Variants in SAMD5 observed in about 807,000 individuals in gnomAD.
The protein encoded by SAMD5 is sterile alpha motif domain containing 5.
SAMD5 carries 13 observed loss-of-function variants against 11.3 expected under a neutral mutation model. The observed-to-expected ratio is 1.15, with a 90% CI of 0.75 to 1.83. SAMD5 has a LOEUF of 1.83. Ranked by LOEUF, SAMD5 falls within the 40% of genes most tolerant of loss-of-function variation. The probability of loss-of-function intolerance (pLI) is 0.00; values close to 1 mark genes in which losing one functional copy is unlikely to be tolerated. For missense variants in SAMD5, 255 were observed against 239.1 expected, an observed-to-expected ratio of 1.07 and a Z score of -0.44; for synonymous variants, 129 against 111.3, an observed-to-expected ratio of 1.16 and a Z score of -1.00.
intron 1 of SAMD5, among the ~76,000 whole-genome samples, chr6:147,620,645 G>A (rs1789945209): frequency 1.3e-5 from 2 of 152,198 alleles, no homozygotes; most frequent in South Asian, 4.1e-4. Context: ...GAAGGATACT[G>A]TGTTCCCCAA....
chr6:147,650,604 G>A (rs1790469860), intron 1 of SAMD5, among the ~76,000 whole-genome samples: 1 of 152,172 alleles, frequency 6.6e-6, no homozygotes, highest in Non-Finnish European at 1.5e-5. Context: ...TCTGGATGAA[G>A]GTGTTACTCG....
chr6:147,523,831 G>A (rs1788292430), intron 1 of SAMD5, among the ~76,000 whole-genome samples: 1 of 152,128 alleles, frequency 6.6e-6, no homozygotes, highest in Non-Finnish European at 1.5e-5. Context: ...TCATTTATAG[G>A]CATCTGAAGA....
chr6:147,618,537 T>C (rs180785050), intron 1 of SAMD5, among the ~76,000 whole-genome samples: 111 of 152,160 alleles, frequency 7.3e-4, no homozygotes, highest in African/African-American at 2.6e-3. Flanking sequence ...ATAAAGTAAG[T>C]GATGAGAAAC....
At chr6:147,811,432 G>A in the SAMD5 span, among the ~76,000 whole-genome samples, 1 of 152,204 alleles carries the variant, frequency 6.6e-6, no homozygotes, top group East Asian at 1.9e-4. Context: ...CCTCAGGTTA[G>A]GGAATTTGGA....
chr6:147,554,857 G>A (rs1200266267), intron 1 of SAMD5, among the ~76,000 whole-genome samples: 3 of 152,210 alleles, frequency 2.0e-5, no homozygotes, highest in African/African-American at 7.2e-5. Context: ...GTGGTATAGA[G>A]CAGTAGTTCT....
the SAMD5 span, among the ~76,000 whole-genome samples, chr6:147,872,157 G>A: frequency 2.6e-5 from 4 of 152,128 alleles, no homozygotes; most frequent in African/African-American, 9.7e-5. Context: ...CCAGGCTGGA[G>A]TGCAGTTGCA....
chr6:147,909,605 T>C, the SAMD5 span, among the ~76,000 whole-genome samples: 48 of 69,928 alleles, frequency 6.9e-4, no homozygotes, highest in African/African-American at 3.8e-3. Context: ...TCTTTCTTTC[T>C]TTCTTTCTTT....
chr6:147,763,408 C>T, the SAMD5 span, among the ~76,000 whole-genome samples: 6 of 150,792 alleles, frequency 4.0e-5, no homozygotes, highest in Non-Finnish European at 7.4e-5. Flanking sequence ...GTGATCTGCC[C>T]GCCTCGGCCT....
At chr6:147,515,176 G>GTTTTTTT (rs71031029) in intron 1 of SAMD5, among the ~76,000 whole-genome samples, 23 of 75,038 alleles carry the variant, frequency 3.1e-4, no homozygotes, top group South Asian at 6.1e-4. Context: ...ATCCTTCCAG[G>GTTTTTTT]TTTTTTTTTT....
At chr6:147,691,636 CGTCT>C (rs1791104890) in intron 1 of SAMD5, among the ~76,000 whole-genome samples, 1 of 152,162 alleles carries the variant, frequency 6.6e-6, no homozygotes, top group East Asian at 1.9e-4. Context: ...CTTTTGGAGT[CGTCT>C]GTAAGCTTAG....
chr6:147,726,059 A>T (rs3915326), intron 1 of SAMD5, among the ~76,000 whole-genome samples: 1 of 152,240 alleles, frequency 6.6e-6, no homozygotes, highest in African/African-American at 2.4e-5. Context: ...TCTGAATATT[A>T]GTATGGCATT....
the SAMD5 span, among the ~76,000 whole-genome samples, chr6:147,811,215 G>A: frequency 6.6e-6 from 1 of 152,076 alleles, no homozygotes; most frequent in Non-Finnish European, 1.5e-5. Flanking sequence ...AGTTCATGGA[G>A]GTATTATTTT....
intron 1 of SAMD5, among the ~76,000 whole-genome samples, chr6:147,728,060 T>C (rs1381727999): frequency 6.6e-6 from 1 of 152,252 alleles, no homozygotes; most frequent in African/African-American, 2.4e-5. Flanking sequence ...AAAATTTTAG[T>C]ATCACTGTTT....
At chr6:147,601,339 A>AT (rs138742748) in intron 1 of SAMD5, among the ~76,000 whole-genome samples, 18,564 of 147,534 alleles carry the variant, frequency 0.13, 1,140 homozygotes, top group Middle Eastern at 0.2. Context: ...CATAAATCAG[A>AT]TTTTTTTTTT....
At chr6:147,665,672 G>A (rs571313667) in intron 1 of SAMD5, among the ~76,000 whole-genome samples, 2 of 152,228 alleles carry the variant, frequency 1.3e-5, no homozygotes, top group South Asian at 4.2e-4. Context: ...TGGAGCCCCT[G>A]AAGCATCAAC....
At chr6:147,924,181 C>T in the SAMD5 span, among the ~76,000 whole-genome samples, 1 of 152,228 alleles carries the variant, frequency 6.6e-6, no homozygotes, top group Non-Finnish European at 1.5e-5. Flanking sequence ...TTTGCTCACT[C>T]AGCCTTATGC....
At chr6:147,889,962 C>A in the SAMD5 span, among the ~76,000 whole-genome samples, 1 of 152,202 alleles carries the variant, frequency 6.6e-6, no homozygotes, top group African/African-American at 2.4e-5. Context: ...ACTCTGTCAT[C>A]CTAACTCAGG....
the SAMD5 span, among the ~76,000 whole-genome samples, chr6:147,861,060 G>A: frequency 0.32 from 49,130 of 152,058 alleles, 8,872 homozygotes; most frequent in Middle Eastern, 0.44. Flanking sequence ...GGCCTTTCCC[G>A]CTGACAGGAT....
At chr6:147,859,785 G>A in the SAMD5 span, among the ~76,000 whole-genome samples, 1,534 of 151,874 alleles carry the variant, frequency 0.01, 27 homozygotes, top group African/African-American at 0.035. Flanking sequence ...CTTGTTTTTA[G>A]TTTCCTCACC....
Sources: gnomAD v4.1 joint callset for allele counts (sites outside exome capture counted in the v4.1 genomes callset) on GRCh38, gnomAD v4.1.1 for gene constraint, MANE v1.5 for transcripts, NCBI Gene and HGNC (gene_info 2026-07-23, HGNC 2026-07-21) for gene names.